ATP11C: variants seen among roughly 807,000 people sequenced by gnomAD.
ATP11C encodes ATPase phospholipid transporting 11C (ATP11C blood group), also known as phospholipid-transporting ATPase IG.
A neutral mutation model predicts 97.4 loss-of-function variants in ATP11C; 36 were observed. The ratio of observed to expected loss-of-function variants is 0.37; its 90% CI spans 0.28 to 0.49. The LOEUF is 0.49. ATP11C is among the 20% of genes least tolerant of loss of function. The probability of loss-of-function intolerance (pLI) is 0.98; values close to 1 mark genes in which losing one functional copy is unlikely to be tolerated. For missense variants in ATP11C, 730 were observed against 824.6 expected (o/e 0.89, Z 1.40); for synonymous variants, 275 against 290.9 (o/e 0.95, Z 0.56).
chrX:139,756,666 C>T (rs972867998), intron 23 of ATP11C, among the ~76,000 whole-genome samples: 2 of 111,329 alleles, frequency 1.8e-5, no homozygotes, highest in African/African-American at 6.5e-5. Context: ...ATGTCATTTG[C>T]AGCAACACGG....
intron 1 of ATP11C, among the ~76,000 whole-genome samples, chrX:139,870,652 G>C (rs190185930): frequency 3.1e-4 from 35 of 112,323 alleles, no homozygotes; most frequent in Non-Finnish European, 5.8e-4. Flanking sequence ...AATACTGTGG[G>C]ACATCTATTT....
At chrX:139,870,484 A>C (rs549033990) in intron 1 of ATP11C, among the ~76,000 whole-genome samples, 1 of 112,498 alleles carries the variant, frequency 8.9e-6, no homozygotes, top group East Asian at 2.8e-4. Context: ...TTTTCTTTAA[A>C]AAAGTTTTTA....
At chrX:139,763,863 A>G (rs1292269803) in intron 20 of ATP11C, among the ~76,000 whole-genome samples, 1 of 112,264 alleles carries the variant, frequency 8.9e-6, no homozygotes, top group Non-Finnish European at 1.9e-5. Flanking sequence ...GAACACAGCC[A>G]TTCAAAATGT....
At chrX:139,753,794 G>A (rs1367444084) in intron 23 of ATP11C, among the ~76,000 whole-genome samples, 1 of 110,198 alleles carries the variant, frequency 9.1e-6, no homozygotes, top group Non-Finnish European at 1.9e-5. Flanking sequence ...GGGTGACAGA[G>A]CAAGAGAAAA....
chrX:139,742,869 AAAAAAAAATAT>A (rs1486264190), intron 26 of ATP11C, among the ~76,000 whole-genome samples: 5 of 23,282 alleles, frequency 2.1e-4, no homozygotes, highest in African/African-American at 8.9e-4. Flanking sequence ...TAAATTAAAA[AAAAAAAAATAT>A]ATATATATAT....
intron 1 of ATP11C, among the ~76,000 whole-genome samples, chrX:139,855,849 C>A (rs2084081572): frequency 9.0e-6 from 1 of 111,564 alleles, no homozygotes; most frequent in Non-Finnish European, 1.9e-5. Context: ...TCGATAAAGA[C>A]CCCAGTGTCA....
rs201067547 is a variant in ATP11C, at chrX:139,874,985, CT to C, written c.28-48163del. 7.4e-3 allele frequency among the ~76,000 whole-genome samples: 819 copies of C among 111,371 alleles called. 9 individuals carry two copies. Among genetic ancestry groups the C allele is most frequent in the African/African-American group, 0.026 (788 of 30,587 alleles). ...CCTCACCTACTACCTCCTCCTCCCC[CT>C]AATCTCAATCCTTGATGGAAGAGCA... is the stretch of plus-strand genomic sequence containing the variant. On this transcript the variant is annotated intron_variant, in intron 1 of 29. Coordinates refer to ENST00000682941, the MANE Select transcript of ATP11C (RefSeq NM_001353812.2).
rs182028564 is a variant in ATP11C at position 139,735,446 on chromosome X, C to T, written c.3288+2470G>A. Among the ~76,000 whole-genome samples, 268 of 111,568 alleles carry T rather than the reference C, an allele frequency of 2.4e-3. 1 individual carries two copies. Among genetic ancestry groups the T allele is most frequent in the African/African-American group, 8.4e-3 (257 of 30,758 alleles). On this transcript the variant is annotated intron_variant, in intron 28 of 29. Transcript: ENST00000682941. ...GGTAGAGACACACATTTGACCACATCGGGGGATCTATCAGGATATGGGGCA... is the reference window on the plus strand; with the variant it reads ...GGTAGAGACACACATTTGACCACATTGGGGGATCTATCAGGATATGGGGCA...
At chrX:139,767,314 G>A (rs932025732) in intron 20 of ATP11C, among the ~76,000 whole-genome samples, 6 of 111,203 alleles carry the variant, frequency 5.4e-5, no homozygotes, top group Non-Finnish European at 5.7e-5. Context: ...TGGACTAGTT[G>A]GGCAGTAAAA....
At chrX:139,750,202 T>A in intron 23 of ATP11C, 50 bp from the exon 24 acceptor site, 1 of 1,112,711 alleles carries the variant, frequency 9.0e-7, no homozygotes. Context: ...GTAACAATCA[T>A]CTACAAGATG....
intron 1 of ATP11C, among the ~76,000 whole-genome samples, chrX:139,862,054 G>A (rs1301832724): frequency 1.8e-5 from 2 of 111,516 alleles, no homozygotes; most frequent in South Asian, 3.8e-4. Context: ...GCTGGGTTTA[G>A]ATCATGAGCT....
At chrX:139,798,897 G>A (rs139308185) in intron 8 of ATP11C, among the ~76,000 whole-genome samples, 154 bp from the exon 9 acceptor site, 1 of 111,268 alleles carries the variant, frequency 9.0e-6, no homozygotes, top group East Asian at 2.8e-4. Flanking sequence ...CAAGCTGAAA[G>A]GTCCTTCACT....
chrX:139,915,538 T>G (rs945081741), intron 1 of ATP11C, among the ~76,000 whole-genome samples: 31 of 110,089 alleles, frequency 2.8e-4, no homozygotes, highest in Non-Finnish European at 4.0e-4. Flanking sequence ...GGCATGGTGG[T>G]GCACGTCTGT....
At chrX:139,885,829 T>C (rs892565426) in intron 1 of ATP11C, among the ~76,000 whole-genome samples, 1 of 110,022 alleles carries the variant, frequency 9.1e-6, no homozygotes, top group Admixed American at 9.8e-5. Flanking sequence ...CTCAGCTAAC[T>C]AGAAATCAAA....
At chrX:139,734,234 T>C (rs996211154) in intron 28 of ATP11C, among the ~76,000 whole-genome samples, 1 of 111,846 alleles carries the variant, frequency 8.9e-6, no homozygotes, top group Non-Finnish European at 1.9e-5. Flanking sequence ...TGATTAACTA[T>C]ATTCTCCAAA....
At chrX:139,869,458 AATAGAATC>A (rs1176795372) in intron 1 of ATP11C, among the ~76,000 whole-genome samples, 2 of 110,488 alleles carry the variant, frequency 1.8e-5, no homozygotes, top group Non-Finnish European at 3.8e-5. Context: ...AGTGTTTATG[AATAGAATC>A]ATATGATGTT....
At chrX:139,808,508 A>C (rs2083095502) in intron 5 of ATP11C, among the ~76,000 whole-genome samples, 1 of 112,053 alleles carries the variant, frequency 8.9e-6, no homozygotes, top group African/African-American at 3.2e-5. Context: ...CACAAGAACA[A>C]GAATAGAAAT....
At chrX:139,933,426 C>G (rs2085479614), upstream of ATP11C, among the ~76,000 whole-genome samples, 1 of 112,161 alleles carries the variant, frequency 8.9e-6, no homozygotes. Flanking sequence ...ACCCTCTACA[C>G]CCTCGGCCCC....
At chrX:139,835,101 A>G (rs1353453417) in intron 1 of ATP11C, among the ~76,000 whole-genome samples, 1 of 112,210 alleles carries the variant, frequency 8.9e-6, no homozygotes, top group Non-Finnish European at 1.9e-5. Context: ...TGGTATTCAC[A>G]ATCAGCTATA....
Sources: gnomAD v4.1 joint callset for allele counts (sites outside exome capture counted in the v4.1 genomes callset) on GRCh38, gnomAD v4.1.1 for gene constraint, MANE v1.5 for transcripts, NCBI Gene and HGNC (gene_info 2026-07-23, HGNC 2026-07-21) for gene names.